The following SPATA13 variants were observed in gnomAD, a reference collection of about 807,000 sequenced individuals.
SPATA13 encodes the protein spermatogenesis-associated protein 13.
A neutral mutation model predicts 104.0 loss-of-function variants in SPATA13; 50 were observed. The observed-to-expected ratio is 0.48, with a 90% CI of 0.38 to 0.61. The LOEUF (loss-of-function observed/expected upper bound fraction) is 0.61, where lower values mean the gene tolerates loss of function less well. Among genes scored for constraint, SPATA13 ranks in the 20% least tolerant of loss-of-function variants. The pLI is 0.00. For missense variants in SPATA13, 1,524 were observed against 1,690.6 expected (o/e 0.90, Z 1.73); for synonymous variants, 606 against 667.5 (o/e 0.91, Z 1.42).
In SPATA13 at chr13:24,223,199, C is replaced by T; in HGVS notation, c.270C>T (p.Pro90=). Residue 90 remains proline (P), a synonymous_variant, in exon 2 of 13, where the codon CCC becomes CCT. Coordinates refer to ENST00000382108, the MANE Select transcript of SPATA13 (RefSeq NM_001166271.3). The part of the protein sequence containing the change: ...RKRTGAHPER[P]HSMVLVGNSS... ...GGACGGGTGCCCACCCCGAGCGGCC[C>T]CACTCCATGGTCCTGGTGGGGAACT... The T allele has an allele frequency of 6.4e-7, 1 of 1,551,702 alleles. No individual in the cohort carries two copies. The highest frequency in any genetic ancestry group is 8.7e-7 in the Non-Finnish European group (1 of 1,147,002).
intron 1 of SPATA13, among the ~76,000 whole-genome samples, chr13:24,206,186 T>C (rs1332235407): frequency 1.3e-5 from 2 of 151,650 alleles, no homozygotes; most frequent in African/African-American, 4.8e-5. Flanking sequence ...CTGACAAAGG[T>C]CTAACATCCA....
intron 3 of SPATA13, among the ~76,000 whole-genome samples, chr13:24,059,224 G>T (rs949036864): frequency 2.0e-5 from 3 of 151,596 alleles, no homozygotes; most frequent in African/African-American, 7.3e-5. Context: ...ACCCCCCTCG[G>T]CCTCCTAAAG....
At chr13:24,165,056 A>G (rs1233906159) in intron 1 of SPATA13, among the ~76,000 whole-genome samples, 2 of 152,158 alleles carry the variant, frequency 1.3e-5, no homozygotes, top group Non-Finnish European at 2.9e-5. Flanking sequence ...TCAGGATGTC[A>G]GCTTCGGTGG....
chr13:24,028,533 GA>G (rs1326049565), intron 3 of SPATA13, among the ~76,000 whole-genome samples: 6 of 152,144 alleles, frequency 3.9e-5, no homozygotes, highest in African/African-American at 7.2e-5. Flanking sequence ...TGGTTGCTTT[GA>G]AATCTTTTTT....
intron 3 of SPATA13, among the ~76,000 whole-genome samples, chr13:24,149,728 A>AG (rs1332011687): frequency 1.3e-5 from 2 of 152,216 alleles, no homozygotes; most frequent in Non-Finnish European, 2.9e-5. Flanking sequence ...ACCCAGAGGG[A>AG]GAGCGGCTTG....
intron 1 of SPATA13, among the ~76,000 whole-genome samples, chr13:23,981,899 T>C (rs1874921982): frequency 6.6e-6 from 1 of 152,238 alleles, no homozygotes; most frequent in African/African-American, 2.4e-5. Flanking sequence ...TCTTTTTGGT[T>C]GAGATCTGAA....
chr13:24,112,495 A>C (rs909371587), intron 3 of SPATA13, among the ~76,000 whole-genome samples: 1 of 152,222 alleles, frequency 6.6e-6, no homozygotes, highest in African/African-American at 2.4e-5. Flanking sequence ...TCTCATGCTC[A>C]GCCACGGAAG....
At chr13:24,014,549 T>C (rs1876623920) in intron 2 of SPATA13, among the ~76,000 whole-genome samples, 1 of 152,220 alleles carries the variant, frequency 6.6e-6, no homozygotes, top group Non-Finnish European at 1.5e-5. Flanking sequence ...GAAAATAATA[T>C]TTGAAAATCA....
intron 2 of SPATA13, among the ~76,000 whole-genome samples, chr13:24,014,896 T>A (rs2137690985): frequency 7.1e-6 from 1 of 140,446 alleles, no homozygotes; most frequent in African/African-American, 2.7e-5. Context: ...TTTTTTTTTT[T>A]TTTTTTTTTT....
chr13:24,292,850 G>T (rs1490574705), intron 9 of SPATA13, among the ~76,000 whole-genome samples: 2 of 151,928 alleles, frequency 1.3e-5, no homozygotes, highest in Non-Finnish European at 2.9e-5. Context: ...GCAAAAATTA[G>T]CTGGGCATGG....
intron 1 of SPATA13, among the ~76,000 whole-genome samples, chr13:24,222,551 T>C (rs1412470521): frequency 6.6e-6 from 1 of 152,216 alleles, no homozygotes; most frequent in Admixed American, 6.5e-5. Context: ...GTTTTTTTCC[T>C]AGTCTCACCT....
chr13:24,239,693 T>TA (rs55881452), intron 2 of SPATA13, among the ~76,000 whole-genome samples: 12,126 of 46,818 alleles, frequency 0.26, 3,384 homozygotes, highest in East Asian at 0.42. Flanking sequence ...AGACCATATC[T>TA]AAAAAAAAAA....
At chr13:24,185,915 CAGGCGTTGATGTTTT>C (rs1176062967) in intron 1 of SPATA13, among the ~76,000 whole-genome samples, 2 of 152,068 alleles carry the variant, frequency 1.3e-5, no homozygotes, top group African/African-American at 2.4e-5. Flanking sequence ...GAGTGTCTGG[CAGGCGTTGATGTTTT>C]AGGCTTGAAT....
intron 2 of SPATA13, among the ~76,000 whole-genome samples, chr13:23,997,482 A>G (rs1366377881): frequency 6.6e-6 from 1 of 152,220 alleles, no homozygotes; most frequent in Non-Finnish European, 1.5e-5. Context: ...TTTGAGATTT[A>G]TCCATGTCTT....
intron 1 of SPATA13, among the ~76,000 whole-genome samples, chr13:24,172,272 CAT>C (rs1244891437): frequency 1.3e-5 from 2 of 152,198 alleles, no homozygotes; most frequent in African/African-American, 4.8e-5. Flanking sequence ...CTCTTTCAGA[CAT>C]GTGGTTTGCA....
chr13:24,194,093 G>A (rs1869921528), intron 1 of SPATA13, among the ~76,000 whole-genome samples: 1 of 152,160 alleles, frequency 6.6e-6, no homozygotes, highest in Non-Finnish European at 1.5e-5. Context: ...GCACCTCATT[G>A]ATCTTTGCTG....
At chr13:24,260,268 C>G (rs1436127047) in intron 4 of SPATA13, among the ~76,000 whole-genome samples, 1 of 152,088 alleles carries the variant, frequency 6.6e-6, no homozygotes, top group Non-Finnish European at 1.5e-5. Flanking sequence ...GTGTTCCAGG[C>G]AAAAAGTGGA....
intron 3 of SPATA13, among the ~76,000 whole-genome samples, chr13:24,046,228 C>T (rs1373182539): frequency 1.3e-5 from 2 of 151,930 alleles, no homozygotes; most frequent in Non-Finnish European, 2.9e-5. Flanking sequence ...CTCCTGTCAC[C>T]TCCTAGTCAA....
chr13:24,117,182 T>G (rs942136447), intron 3 of SPATA13, among the ~76,000 whole-genome samples: 1 of 152,232 alleles, frequency 6.6e-6, no homozygotes, highest in Admixed American at 6.5e-5. Context: ...CTATAACAAC[T>G]GTACCTACAT....
Sources: gnomAD v4.1 joint callset for allele counts (sites outside exome capture counted in the v4.1 genomes callset) on GRCh38, gnomAD v4.1.1 for gene constraint, MANE v1.5 for transcripts, NCBI Gene and HGNC (gene_info 2026-07-23, HGNC 2026-07-21) for gene names.